The following CST7 variants were observed in gnomAD, a reference collection of about 807,000 sequenced individuals.
CST7 encodes the protein cystatin-F.
CST7 carries 15 observed loss-of-function variants against 13.1 expected under a neutral mutation model. The ratio of observed to expected loss-of-function variants is 1.14; its 90% CI spans 0.77 to 1.76. The LOEUF (loss-of-function observed/expected upper bound fraction) is 1.76. CST7 is among the 40% of genes most tolerant of loss of function. CST7 has a pLI of 0.00. For synonymous variants in CST7, 75 were observed against 66.9 expected, an observed-to-expected ratio of 1.12 and a Z score of -0.59; for missense variants, 193 against 178.8, an observed-to-expected ratio of 1.08 and a Z score of -0.45.
chr20:24,955,530 A>T (rs2087848344), intron 1 of CST7, among the ~76,000 whole-genome samples: 1 of 151,144 alleles, frequency 6.6e-6, no homozygotes, highest in African/African-American at 2.4e-5. Context: ...GCTCACTGCA[A>T]GCTCCGCCTC....
chr20:24,958,861 C>T, intron 2 of CST7, 67 bp from the exon 3 acceptor site: 1 of 1,192,638 alleles, frequency 8.4e-7, no homozygotes, highest in South Asian at 1.2e-5. Flanking sequence ...TGAGGCCCTG[C>T]TTCCTAGTGG....
intron 1 of CST7, among the ~76,000 whole-genome samples, chr20:24,949,868 A>T (rs1424071380): frequency 6.6e-6 from 1 of 152,208 alleles, no homozygotes; most frequent in African/African-American, 2.4e-5. Context: ...AGGTCTAAGT[A>T]AGGCAGGTCT....
rs756957641 is a variant in CST7, at chr20:24,958,897, C to T, written c.244-31C>T. On this transcript the variant is annotated intron_variant, in intron 2 of 3. Coordinates refer to ENST00000480798, the MANE Select transcript of CST7 (RefSeq NM_003650.4). ...AGAAGCCTGCCCTCCCTCCCCTGTGCCCAGTAACCCAGTCCCTTTGCTCCC... is the reference window on the plus strand; with the variant it reads ...AGAAGCCTGCCCTCCCTCCCCTGTGTCCAGTAACCCAGTCCCTTTGCTCCC... The T allele has an allele frequency of 5.2e-6, 8 of 1,528,692 alleles. No individual in the cohort carries two copies. The Admixed American group carries it at 1.0e-4, about 19-fold the overall frequency. The allele number at this position is 1,528,692 out of a possible 1,614,324, so 94.7% of individuals were successfully genotyped here.
chr20:24,957,523 G>A (rs6036997), intron 2 of CST7, 64 bp downstream of exon 2: 139,368 of 1,497,386 alleles, frequency 0.093, 7,073 homozygotes, highest in Non-Finnish European at 0.1. Context: ...GCTACAACGC[G>A]ACACCTAGGA....
chr20:24,953,289 G>A (rs1473632952), intron 1 of CST7, among the ~76,000 whole-genome samples: 2 of 152,214 alleles, frequency 1.3e-5, no homozygotes, highest in Non-Finnish European at 2.9e-5. Flanking sequence ...ATCTCCCCGA[G>A]GAGGCTGGGG....
chr20:24,951,534 G>T (rs1248105854), intron 1 of CST7, among the ~76,000 whole-genome samples: 1 of 152,204 alleles, frequency 6.6e-6, no homozygotes, highest in African/African-American at 2.4e-5. Flanking sequence ...ATGGGAACCT[G>T]GGCCCCAGAC....
chr20:24,959,043 A>G lies in CST7; in HGVS notation c.359A>G (p.Gln120Arg). ...TTCCAAACCAACCACACCTTGAAGCAGGTAAAGCAGCAGGCCCTTCTCTCA... is the reference window on the plus strand; with the variant it reads ...TTCCAAACCAACCACACCTTGAAGCGGGTAAAGCAGCAGGCCCTTCTCTCA... ...CDFQTNHTLKQTLSCYSEVWV... is the reference protein window; with the variant it reads ...CDFQTNHTLKRTLSCYSEVWV... The change falls in exon 3 of 4, where the codon CAG (glutamine) becomes CGG (arginine). Residue 120 changes from glutamine to arginine, a missense_variant and splice_region_variant. Transcript: ENST00000480798. 1.9e-6 allele frequency: 3 copies of G among 1,611,380 alleles called. No individual in the cohort carries two copies. The highest frequency in any genetic ancestry group is 2.5e-6 in the Non-Finnish European group (3 of 1,177,564).
At chr20:24,949,882 G>A (rs746751016) in intron 1 of CST7, among the ~76,000 whole-genome samples, 2 of 152,230 alleles carry the variant, frequency 1.3e-5, no homozygotes, top group African/African-American at 2.4e-5. Context: ...CAGGTCTCCC[G>A]CAGCTCCTCT....
intron 1 of CST7, among the ~76,000 whole-genome samples, chr20:24,953,154 C>T (rs971726692): frequency 2.0e-5 from 3 of 152,224 alleles, no homozygotes; most frequent in Admixed American, 1.3e-4. Flanking sequence ...CACTGGTCCT[C>T]GGGCACCCGG....
At position 24,958,712 on chromosome 20, in the gene CST7, T is replaced by C. The variant is rs113862662; in HGVS notation, c.244-216T>C. 6.1e-3 allele frequency among the ~76,000 whole-genome samples: 928 copies of C among 151,988 alleles called. 14 individuals are homozygous for C. The highest frequency in any genetic ancestry group is 0.022 in the African/African-American group (904 of 41,424). On this transcript the variant is annotated intron_variant, in intron 2 of 3. Coordinates refer to ENST00000480798, the MANE Select transcript of CST7 (RefSeq NM_003650.4). ...GCTCTGGCCAGAAAGGAGACATCTG[T>C]CTCAGGAAGGGGCACAAACCCAGCA...
chr20:24,951,429 G>A (rs527446305), intron 1 of CST7, among the ~76,000 whole-genome samples: 1 of 152,172 alleles, frequency 6.6e-6, no homozygotes, highest in Admixed American at 6.5e-5. Flanking sequence ...CTGCCCAGGC[G>A]CTGTGATCAT....
chr20:24,955,527 G>A (rs376741723), intron 1 of CST7, among the ~76,000 whole-genome samples: 9 of 149,378 alleles, frequency 6.0e-5, no homozygotes, highest in African/African-American at 2.2e-4. Context: ...TCGGCTCACT[G>A]CAAGCTCCGC....
chr20:24,954,282 A>G (rs1356381783), intron 1 of CST7, among the ~76,000 whole-genome samples: 7 of 152,220 alleles, frequency 4.6e-5, no homozygotes, highest in Non-Finnish European at 1.0e-4. Flanking sequence ...AAGAAACAGC[A>G]TCGCAGGGCC....
At chr20:24,955,990 C>T (rs947568053) in intron 1 of CST7, among the ~76,000 whole-genome samples, 1 of 152,216 alleles carries the variant, frequency 6.6e-6, no homozygotes, top group African/African-American at 2.4e-5. Flanking sequence ...AGCCATGAAG[C>T]TCACCTTCTG....
At position 24,949,291 on chromosome 20, in the gene CST7, G is replaced by A. The variant is rs1348466220; in HGVS notation, c.-215G>A. 6.3e-6 allele frequency: 9 copies of A among 1,420,520 alleles called. No homozygotes were observed. The highest frequency in any genetic ancestry group is 8.5e-6 in the Non-Finnish European group (9 of 1,061,556). The allele number at this position is 1,420,520 out of a possible 1,614,324, so 88.0% of individuals were successfully genotyped here. ...CCCACTGTTCCATGCTGCCCAAGAA[G>A]GCTCAGCACAGGCACAAACCATTGC... On this transcript the variant is annotated 5_prime_UTR_variant, in exon 1 of 4. Coordinates refer to ENST00000480798, the MANE Select transcript of CST7 (RefSeq NM_003650.4).
rs2122437535 is a variant in CST7, at chr20:24,949,313, T to C, written c.-193T>C. ...GAAGGCTCAGCACAGGCACAAACCA[T>C]TGCCCGGCACTGGCCCGTGCTGCCT... On this transcript the variant is annotated 5_prime_UTR_variant, in exon 1 of 4. Transcript: ENST00000480798. The C allele has an allele frequency of 1.3e-6, 2 of 1,486,754 alleles. No homozygotes were observed. The highest frequency in any genetic ancestry group is 1.8e-6 in the Non-Finnish European group (2 of 1,109,462). 92.1% of individuals were successfully genotyped at this position (1,486,754 alleles called of 1,614,324 possible).
At chr20:24,952,361 A>G (rs1600959492) in intron 1 of CST7, among the ~76,000 whole-genome samples, 2 of 152,324 alleles carry the variant, frequency 1.3e-5, no homozygotes, top group Non-Finnish European at 2.9e-5. Flanking sequence ...CAGTGGGTTA[A>G]GGTCGGGACT....
chr20:24,952,905 CCTA>C (rs1192579728), intron 1 of CST7, among the ~76,000 whole-genome samples: 1 of 152,232 alleles, frequency 6.6e-6, no homozygotes, highest in Non-Finnish European at 1.5e-5. Flanking sequence ...CACCCATTTT[CCTA>C]CTAAAGGCAG....
chr20:24,953,910 T>C (rs915496581), intron 1 of CST7, among the ~76,000 whole-genome samples: 1 of 152,132 alleles, frequency 6.6e-6, no homozygotes, highest in Non-Finnish European at 1.5e-5. Flanking sequence ...ACCATCACCC[T>C]CTGCACCCAG....
Sources: allele counts gnomAD v4.1 joint callset (sites outside exome capture counted in the v4.1 genomes callset), GRCh38; gene constraint gnomAD v4.1.1; transcripts MANE v1.5; gene names NCBI Gene and HGNC (gene_info 2026-07-23, HGNC 2026-07-21).